The following KLHL6 variants were observed in gnomAD, a reference collection of about 807,000 sequenced individuals.
The protein encoded by KLHL6 is kelch-like protein 6.
In KLHL6, 41 loss-of-function variants were observed where a neutral mutation model predicts 58.6. That is an observed-to-expected ratio of 0.70 (90% CI 0.55 to 0.91). KLHL6 has a LOEUF of 0.91. KLHL6 is among the 40% of genes least tolerant of loss of function. The pLI, the probability that KLHL6 is intolerant of heterozygous loss-of-function variation, is 0.00. For missense variants in KLHL6, 714 were observed against 805.6 expected, an observed-to-expected ratio of 0.89 and a Z score of 1.38; for synonymous variants, 338 against 322.7, an observed-to-expected ratio of 1.05 and a Z score of -0.51.
chr3:183,497,929 T>C (rs561750014), intron 4 of KLHL6, among the ~76,000 whole-genome samples: 1 of 152,352 alleles, frequency 6.6e-6, no homozygotes, highest in East Asian at 1.9e-4. Flanking sequence ...TGCTCAGTAT[T>C]GTTTGGATCT....
At chr3:183,533,342 C>CTTTCTTTT (rs11282569) in intron 1 of KLHL6, among the ~76,000 whole-genome samples, 1 of 150,106 alleles carries the variant, frequency 6.7e-6, no homozygotes, top group African/African-American at 2.5e-5. Context: ...TCCTTTCTTC[C>CTTTCTTTT]TTTCTTTCTC....
chr3:183,504,952 G>A (rs1052585446), intron 3 of KLHL6, among the ~76,000 whole-genome samples: 1 of 152,128 alleles, frequency 6.6e-6, no homozygotes, highest in African/African-American at 2.4e-5. Flanking sequence ...GTGAAAACAT[G>A]CATTATTTGG....
chr3:183,509,749 C>T (rs898002329), intron 2 of KLHL6, among the ~76,000 whole-genome samples: 2 of 152,124 alleles, frequency 1.3e-5, no homozygotes, highest in Non-Finnish European at 2.9e-5. Context: ...TACACAAAAC[C>T]GTCCAGAGTA....
intron 2 of KLHL6, among the ~76,000 whole-genome samples, chr3:183,525,191 G>A (rs1711912696): frequency 1.3e-5 from 2 of 151,848 alleles, no homozygotes; most frequent in Non-Finnish European, 2.9e-5. Flanking sequence ...TTGAACCCGG[G>A]AGGCGGAGGT....
At chr3:183,524,996 T>A (rs1320447135) in intron 2 of KLHL6, among the ~76,000 whole-genome samples, 1 of 152,204 alleles carries the variant, frequency 6.6e-6, no homozygotes. Flanking sequence ...CTGGGCATGG[T>A]GGTTCACACC....
intron 1 of KLHL6, among the ~76,000 whole-genome samples, chr3:183,549,357 T>C (rs865816132): frequency 1.3e-5 from 2 of 152,242 alleles, no homozygotes; most frequent in Admixed American, 6.5e-5. Context: ...CCACTTTTAA[T>C]ATTTTCCAAT....
At chr3:183,493,340 C>T (rs2686426) in intron 5 of KLHL6, 29,734 of 154,874 alleles carry the variant, frequency 0.19, 3,125 homozygotes, top group Middle Eastern at 0.27. Flanking sequence ...AGATCCTGGG[C>T]ATGTCCCCCA....
At chr3:183,529,552 G>A in intron 1 of KLHL6, among the ~76,000 whole-genome samples, 1 of 152,110 alleles carries the variant, frequency 6.6e-6, no homozygotes, top group Non-Finnish European at 1.5e-5. Flanking sequence ...AAAAGTAGGT[G>A]GGGGACCGGG....
intron 2 of KLHL6, among the ~76,000 whole-genome samples, chr3:183,509,291 A>T (rs1272433296): frequency 6.6e-6 from 1 of 152,232 alleles, no homozygotes; most frequent in Non-Finnish European, 1.5e-5. Flanking sequence ...TAGGTGCCAT[A>T]ATGGTTTCAT....
At chr3:183,523,757 GTGTTTTGTTT>G (rs373846329) in intron 2 of KLHL6, among the ~76,000 whole-genome samples, 2 of 151,868 alleles carry the variant, frequency 1.3e-5, no homozygotes, top group African/African-American at 4.8e-5. Context: ...ATTTCATGAG[GTGTTTTGTTT>G]TGTTTTGTTT....
At chr3:183,498,564 A>T (rs1414598799) in intron 4 of KLHL6, among the ~76,000 whole-genome samples, 1 of 152,192 alleles carries the variant, frequency 6.6e-6, no homozygotes, top group Non-Finnish European at 1.5e-5. Flanking sequence ...TATCTCTCTG[A>T]GCCTCTGTTT....
At chr3:183,493,083 C>A in intron 5 of KLHL6, 1 of 229,028 alleles carries the variant, frequency 4.4e-6, no homozygotes, top group Non-Finnish European at 8.7e-6. Context: ...TTATGGAATG[C>A]CTACTATGTA....
intron 3 of KLHL6, among the ~76,000 whole-genome samples, chr3:183,504,724 A>C (rs980725153): frequency 1.3e-5 from 2 of 152,196 alleles, no homozygotes; most frequent in South Asian, 2.1e-4. Context: ...TAGGTTCAGC[A>C]TGTGCAGATT....
chr3:183,531,457 T>TTTTTG (rs1712160885), intron 1 of KLHL6, among the ~76,000 whole-genome samples: 5 of 139,364 alleles, frequency 3.6e-5, no homozygotes, highest in African/African-American at 1.3e-4. Context: ...TTTTTTTTTT[T>TTTTTG]TTTTTTTTTT....
intron 1 of KLHL6, among the ~76,000 whole-genome samples, chr3:183,541,092 C>T (rs2108693040): frequency 6.6e-6 from 1 of 152,342 alleles, no homozygotes; most frequent in South Asian, 2.1e-4. Context: ...TCTGAGCCTT[C>T]CCTGGTTCTA....
intron 3 of KLHL6, among the ~76,000 whole-genome samples, chr3:183,502,290 G>A (rs541424652): frequency 1.2e-4 from 16 of 136,772 alleles, no homozygotes; most frequent in African/African-American, 3.5e-4. Flanking sequence ...CAACAAGAGC[G>A]AAACTCCATC....
rs760391406 is a variant in KLHL6, at chr3:183,499,837, G to A, written c.910-10C>T. The stretch of plus-strand genomic sequence containing the variant: ...TGCGTTCCGAAATGATCTGGAAATC[G>A]ATGGGGGTACATGAAGGCAGGGACA... On this transcript the variant is annotated splice_polypyrimidine_tract_variant and intron_variant, in intron 3 of 6. Coordinates refer to ENST00000341319, the MANE Select transcript of KLHL6 (RefSeq NM_130446.4). The surrounding 1 kb of genome is among the most constrained non-coding windows in gnomAD (Gnocchi z 4.6). The A allele has an allele frequency of 1.9e-6, 3 of 1,560,866 alleles. No individual in the cohort carries two copies. The highest frequency in any genetic ancestry group is 2.6e-6 in the Non-Finnish European group (3 of 1,149,538).
At chr3:183,528,571 C>G (rs1712056225) in intron 1 of KLHL6, among the ~76,000 whole-genome samples, 1 of 152,180 alleles carries the variant, frequency 6.6e-6, no homozygotes, top group Admixed American at 6.5e-5. Flanking sequence ...CTGGATTCTG[C>G]CTTTCCTGCT....
At chr3:183,544,749 A>ACACACAC (rs1712662773) in intron 1 of KLHL6, 11 of 114,706 alleles carry the variant, frequency 9.6e-5, no homozygotes, top group Non-Finnish European at 1.1e-4. Context: ...CTGTCTCTCA[A>ACACACAC]ACACACACAC....
Sources: allele counts gnomAD v4.1 joint callset (sites outside exome capture counted in the v4.1 genomes callset), GRCh38; gene constraint gnomAD v4.1.1; non-coding constraint Gnocchi (gnomAD v3.1); transcripts MANE v1.5; gene names NCBI Gene and HGNC (gene_info 2026-07-23, HGNC 2026-07-21).